Variants in ZNF613 observed in about 807,000 individuals in gnomAD.
ZNF613 encodes the protein zinc finger protein 613.
In ZNF613, 8 loss-of-function variants were observed where a neutral mutation model predicts 14.3. That is an observed-to-expected ratio of 0.56 (90% confidence interval 0.33 to 1.01). The LOEUF is 1.01. Ranked by LOEUF, ZNF613 falls within the 50% of genes least tolerant of loss-of-function variation. ZNF613 has a pLI of 0.03. For synonymous variants in ZNF613, 228 were observed against 254.5 expected (o/e 0.90, Z 0.99); for missense variants, 656 against 741.9 (o/e 0.88, Z 1.35).
chr19:51,944,365 G>C lies in ZNF613; in HGVS notation c.482G>C (p.Gly161Ala). Residue 161 changes from glycine (G) to alanine (A), a missense_variant, in exon 6 of 6, where the codon GGG becomes GCG. Physicochemically the swap from Gly to Ala is moderately conservative, Grantham distance 60. Transcript: ENST00000293471. Reference sequence around the variant, plus strand: ...AATTCTGTGGGGGTTAATGGAGATGGGAAATCCTTCCTTCATGCCAAGCAT... The same window carrying C: ...AATTCTGTGGGGGTTAATGGAGATGCGAAATCCTTCCTTCATGCCAAGCAT... ...IKNSVGVNGD[G>A]KSFLHAKHEQ... 6.2e-7 allele frequency: 1 copy of C among 1,600,750 alleles called. No homozygotes were observed. The highest frequency in any genetic ancestry group is 8.5e-7 in the Non-Finnish European group (1 of 1,169,952).
chr19:51,931,310 C>T (rs2122805361), intron 2 of ZNF613, among the ~76,000 whole-genome samples: 1 of 152,272 alleles, frequency 6.6e-6, no homozygotes, highest in Middle Eastern at 3.4e-3. Flanking sequence ...TCACTTAATA[C>T]TGATAAAAAA....
chr19:51,944,461 A>G lies in ZNF613; in HGVS notation c.578A>G (p.Lys193Arg). 6.2e-7 allele frequency: 1 copy of G among 1,603,066 alleles called. No individual in the cohort carries two copies. Among genetic ancestry groups the G allele is most frequent in the Non-Finnish European group, 8.5e-7 (1 of 1,172,280 alleles). Reference sequence around the variant, plus strand: ...GTGAATACAAATTCACAATTCATTAAGCATCAGCGAACTCAAAACATAGAT... The same window carrying G: ...GTGAATACAAATTCACAATTCATTAGGCATCAGCGAACTCAAAACATAGAT... Reference protein sequence around the residue: ...NSVNTNSQFIKHQRTQNIDKP... With the variant: ...NSVNTNSQFIRHQRTQNIDKP... The change falls in exon 6 of 6, where the codon AAG (lysine) becomes AGG (arginine). Residue 193 changes from lysine (K) to arginine (R), a missense_variant. Physicochemically the swap from Lys to Arg is conservative, Grantham distance 26. Coordinates refer to ENST00000293471, the MANE Select transcript of ZNF613 (RefSeq NM_001031721.4).
chr19:51,938,725 G>GATATATATATATAT (rs113608259), intron 3 of ZNF613, among the ~76,000 whole-genome samples: 3,695 of 117,860 alleles, frequency 0.031, 104 homozygotes, highest in African/African-American at 0.067. Context: ...AATGTACATG[G>GATATATATATATAT]ATATATATAT....
chr19:51,932,471 A>AT (rs1240486811), intron 2 of ZNF613, among the ~76,000 whole-genome samples: 3 of 150,566 alleles, frequency 2.0e-5, no homozygotes, highest in Non-Finnish European at 3.0e-5. Context: ...CTAATTTTGT[A>AT]TTTTTTGTAG....
intron 2 of ZNF613, among the ~76,000 whole-genome samples, chr19:51,933,866 T>C (rs1259800625): frequency 6.6e-6 from 1 of 152,216 alleles, no homozygotes; most frequent in Non-Finnish European, 1.5e-5. Flanking sequence ...TGGTGTGATC[T>C]CAGCTCACTG....
intron 2 of ZNF613, among the ~76,000 whole-genome samples, chr19:51,930,542 G>A (rs1241874288): frequency 2.0e-5 from 3 of 152,178 alleles, no homozygotes; most frequent in Admixed American, 6.5e-5. Flanking sequence ...GATTACAGGC[G>A]TGAGCCACTG....
Position 51,944,716 on chromosome 19 carries a change from A to G in ZNF613, c.833A>G (p.His278Arg), listed in dbSNP as rs1263660559. The change falls in exon 6 of 6, where the codon CAC (histidine) becomes CGC (arginine). Residue 278 changes from histidine (H) to arginine (R), a missense_variant. Transcript: ENST00000293471. ...AFRWKSQLNA[H>R]QKIHTGEKSY... ...CGCTGGAAATCACAGCTCAATGCACACCAGAAAATTCATACAGGAGAGAAG... is the reference window on the plus strand; with the variant it reads ...CGCTGGAAATCACAGCTCAATGCACGCCAGAAAATTCATACAGGAGAGAAG... The G allele has an allele frequency of 1.2e-6, 2 of 1,613,938 alleles. No individual in the cohort carries two copies. The highest frequency in any genetic ancestry group is 3.3e-5 in the Admixed American group (2 of 59,992).
At chr19:51,932,471 A>G (rs146924294) in intron 2 of ZNF613, among the ~76,000 whole-genome samples, 128 of 150,682 alleles carry the variant, frequency 8.5e-4, no homozygotes, top group African/African-American at 3.0e-3. Flanking sequence ...CTAATTTTGT[A>G]TTTTTTGTAG....
Position 51,944,831 on chromosome 19 carries a change from T to A in ZNF613, c.948T>A (p.His316Gln). 8.1e-6 allele frequency: 13 copies of A among 1,613,646 alleles called. No homozygotes were observed. The highest frequency in any genetic ancestry group is 1.0e-5 in the Non-Finnish European group (12 of 1,179,988). ...HQRVHTGEKPHGCSLCGKAFS... is the reference protein window; with the variant it reads ...HQRVHTGEKPQGCSLCGKAFS... The stretch of plus-strand genomic sequence containing the variant: ...GAGTTCATACAGGAGAGAAACCACA[T>A]GGATGCAGCCTGTGTGGGAAGGCCT... The change falls in exon 6 of 6, where the codon CAT (histidine) becomes CAA (glutamine). Residue 316 changes from histidine to glutamine, a missense_variant. Physicochemically the swap from His to Gln is conservative, Grantham distance 24 (BLOSUM62 0). Transcript: ENST00000293471.
intron 2 of ZNF613, among the ~76,000 whole-genome samples, chr19:51,932,462 T>C (rs2085273854): frequency 6.6e-6 from 1 of 151,732 alleles, no homozygotes; most frequent in Non-Finnish European, 1.5e-5. Flanking sequence ...CATGCCTGGC[T>C]AATTTTGTAT....
Position 51,945,472 on chromosome 19 carries a change from A to G in ZNF613, c.1589A>G (p.His530Arg), listed in dbSNP as rs765737194. 19 of 1,614,092 alleles carry G rather than the reference A, an allele frequency of 1.2e-5. No homozygotes were observed. In the East Asian group the frequency reaches 2.9e-4, roughly 25 times the overall value. Reference protein sequence around the residue: ...AFSHLSCLVYHKGMLHAREKC... With the variant: ...AFSHLSCLVYRKGMLHAREKC... ...TCCCACTTGTCATGCCTTGTTTATC[A>G]TAAGGGAATGCTGCATGCAAGAGAG... Residue 530 changes from histidine to arginine, a missense_variant, in exon 6 of 6, where the codon CAT (histidine) becomes CGT (arginine). His to Arg is a conservative substitution (Grantham distance 29, BLOSUM62 0). Transcript: ENST00000293471.
chr19:51,944,164 A>C lies in ZNF613; in HGVS notation c.281A>C (p.Gln94Pro), dbSNP rs776396318. 65 of 1,555,362 alleles carry C rather than the reference A, an allele frequency of 4.2e-5. No homozygotes were observed. The highest frequency in any genetic ancestry group is 5.6e-5 in the Non-Finnish European group (65 of 1,151,410). Residue 94 changes from glutamine (Q) to proline (P), a missense_variant, in exon 6 of 6, where the codon CAA becomes CCA. By Grantham distance (76) the Gln-to-Pro change is moderately conservative (BLOSUM62 -1). Transcript: ENST00000293471. The part of the protein sequence containing the change: ...DNHLQMHSQK[Q>P]RCLKRVEQCH... The stretch of plus-strand genomic sequence containing the variant: ...CATCTACAGATGCACTCACAAAAGC[A>C]AAGATGTCTGAAGAGAGTGGAACAA...
chr19:51,928,777 C>G (rs1199296735), intron 1 of ZNF613, among the ~76,000 whole-genome samples: 1 of 151,148 alleles, frequency 6.6e-6, no homozygotes, highest in Admixed American at 6.6e-5. Flanking sequence ...ATCACGTGAC[C>G]CCGGGAGTTC....
At chr19:51,937,499 C>A (rs577633875) in intron 3 of ZNF613, among the ~76,000 whole-genome samples, 14 of 152,196 alleles carry the variant, frequency 9.2e-5, no homozygotes, top group Admixed American at 7.8e-4. Context: ...AATGTTGGAA[C>A]CTAATGTGTG....
chr19:51,930,939 A>C (rs1224429936), intron 2 of ZNF613, among the ~76,000 whole-genome samples: 1 of 152,072 alleles, frequency 6.6e-6, no homozygotes, highest in African/African-American at 2.4e-5. Context: ...TGTTATTTTT[A>C]GTTTTTTATT....
At chr19:51,931,843 G>A (rs561555164) in intron 2 of ZNF613, among the ~76,000 whole-genome samples, 11 of 152,192 alleles carry the variant, frequency 7.2e-5, no homozygotes, top group African/African-American at 2.2e-4. Context: ...TGTTTGGGGC[G>A]CCAGTTGTAA....
chr19:51,944,959 T>A lies in ZNF613; in HGVS notation c.1076T>A (p.Leu359His). The A allele has an allele frequency of 1.9e-6, 3 of 1,614,102 alleles. No homozygotes were observed. The highest frequency in any genetic ancestry group is 2.5e-6 in the Non-Finnish European group (3 of 1,180,026). Residue 359 changes from leucine to histidine, a missense_variant, in exon 6 of 6, where the codon CTC becomes CAC. Coordinates refer to ENST00000293471, the MANE Select transcript of ZNF613 (RefSeq NM_001031721.4). Reference sequence around the variant, plus strand: ...AAAGCATTCCGCTGGAAATCACAGCTCAATGCACATCAGAAAGCTCACACA... The same window carrying A: ...AAAGCATTCCGCTGGAAATCACAGCACAATGCACATCAGAAAGCTCACACA... ...CDKAFRWKSQ[L>H]NAHQKAHTGE... is the part of the protein sequence containing the mutation.
chr19:51,940,470 G>C (rs2085339400), intron 4 of ZNF613, 135 bp downstream of exon 4: 1 of 1,525,624 alleles, frequency 6.6e-7, no homozygotes, highest in Non-Finnish European at 8.9e-7. Context: ...CCAGATAAAA[G>C]AGTGTAATGT....
At chr19:51,931,393 A>G (rs2085262816) in intron 2 of ZNF613, among the ~76,000 whole-genome samples, 1 of 152,212 alleles carries the variant, frequency 6.6e-6, no homozygotes, top group Admixed American at 6.5e-5. Context: ...TATTTTTTGT[A>G]TATGTTCAAT....
Sources: allele counts gnomAD v4.1 joint callset (sites outside exome capture counted in the v4.1 genomes callset), GRCh38; gene constraint gnomAD v4.1.1; transcripts MANE v1.5; gene names NCBI Gene and HGNC (gene_info 2026-07-23, HGNC 2026-07-21).